Variants in MCC observed in about 807,000 individuals in gnomAD.
MCC encodes the protein colorectal mutant cancer protein.
MCC carries 90 observed loss-of-function variants against 116.2 expected under a neutral mutation model. The observed-to-expected ratio is 0.77, with a 90% CI of 0.65 to 0.92. MCC has a LOEUF of 0.92. Among genes scored for constraint, MCC ranks in the 40% least tolerant of loss-of-function variants. MCC has a pLI of 0.00. For missense variants in MCC, 1,516 were observed against 1,312.2 expected (o/e 1.16, Z -2.40); for synonymous variants, 578 against 510.5 (o/e 1.13, Z -1.78).
intron 1 of MCC, among the ~76,000 whole-genome samples, chr5:113,427,232 G>C (rs1770508503): frequency 6.6e-6 from 1 of 152,056 alleles, no homozygotes; most frequent in Non-Finnish European, 1.5e-5. Context: ...TAAATGAATT[G>C]CTTACTTTGA....
chr5:113,477,460 ACAT>A (rs1772262773), intron 1 of MCC, among the ~76,000 whole-genome samples: 1 of 152,204 alleles, frequency 6.6e-6, no homozygotes, highest in South Asian at 2.1e-4. Context: ...TGATTTTCAG[ACAT>A]CATATAACAG....
At chr5:113,306,450 T>C (rs555701420) in intron 3 of MCC, among the ~76,000 whole-genome samples, 1 of 152,354 alleles carries the variant, frequency 6.6e-6, no homozygotes, top group East Asian at 1.9e-4. Context: ...TATGTGGCTT[T>C]GATTTGCATT....
intron 3 of MCC, among the ~76,000 whole-genome samples, chr5:113,185,490 C>T (rs752272707): frequency 6.6e-6 from 1 of 152,150 alleles, no homozygotes; most frequent in Non-Finnish European, 1.5e-5. Flanking sequence ...AATTCCTGGA[C>T]ACATGATGTC....
intron 3 of MCC, among the ~76,000 whole-genome samples, chr5:113,330,796 G>T (rs1427827078): frequency 2.6e-5 from 4 of 152,140 alleles, no homozygotes; most frequent in Non-Finnish European, 5.9e-5. Flanking sequence ...ATCTTTACCT[G>T]AAAGATAGTA....
chr5:113,160,951 G>T (rs1375213295), intron 3 of MCC, among the ~76,000 whole-genome samples: 1 of 152,028 alleles, frequency 6.6e-6, no homozygotes, highest in Non-Finnish European at 1.5e-5. Flanking sequence ...AAAAGGAAAG[G>T]TTATTACCTT....
chr5:113,096,520 C>A (rs1235887344), intron 8 of MCC, among the ~76,000 whole-genome samples: 1 of 152,138 alleles, frequency 6.6e-6, no homozygotes, highest in African/African-American at 2.4e-5. Context: ...GTATCATAGT[C>A]AAAGCATGTA....
intron 5 of MCC, among the ~76,000 whole-genome samples, chr5:113,137,672 T>C (rs1186247948): frequency 7.9e-5 from 12 of 152,148 alleles, no homozygotes; most frequent in Admixed American, 2.6e-4. Flanking sequence ...GTTGTTGTTG[T>C]TATGCCCCTG....
intron 3 of MCC, among the ~76,000 whole-genome samples, chr5:113,236,097 C>T (rs938323287): frequency 2.6e-4 from 39 of 152,204 alleles, no homozygotes; most frequent in African/African-American, 9.2e-4. Context: ...GGTAAAAATG[C>T]TGGCTGCAAG....
At chr5:113,032,521 GACT>G (rs1751030683) in intron 17 of MCC, among the ~76,000 whole-genome samples, 1 of 151,726 alleles carries the variant, frequency 6.6e-6, no homozygotes, top group African/African-American at 2.4e-5. Context: ...TTTTTCATGG[GACT>G]ACTAGAAAAT....
intron 16 of MCC, among the ~76,000 whole-genome samples, chr5:113,047,240 G>C (rs956860608): frequency 1.3e-5 from 2 of 152,210 alleles, no homozygotes; most frequent in Admixed American, 1.3e-4. Context: ...TTGCCCACCA[G>C]TCTCCTCCTA....
chr5:113,145,599 A>G (rs1561399579), intron 4 of MCC, among the ~76,000 whole-genome samples: 1 of 152,118 alleles, frequency 6.6e-6, no homozygotes, highest in African/African-American at 2.4e-5. Context: ...ATCAATAAAA[A>G]CCACCAAAAG....
chr5:113,465,315 T>C lies in MCC; in HGVS notation c.170+22930A>G, dbSNP rs1484768984. ...ATTCATCACATGGAAGTAGGAAAAA[T>C]GGTTAACCATTTGGGGGAAAATTAT... On this transcript the variant is annotated intron_variant, in intron 1 of 18. Transcript: ENST00000408903. 2.0e-5 allele frequency among the ~76,000 whole-genome samples: 3 copies of C among 152,114 alleles called. No individual in the cohort carries two copies. In the South Asian group the frequency reaches 6.2e-4, roughly 32 times the overall value.
At position 113,086,157 on chromosome 5, in the gene MCC, A is replaced by T. The variant is rs1257066541; in HGVS notation, c.1399-847T>A. On this transcript the variant is annotated intron_variant, in intron 8 of 18. Transcript: ENST00000408903. ...AAGACAAGTGCACTTGAGTGTTATA[A>T]ATTTCTATGTCAAGTGTTACGGGAA... is the stretch of plus-strand genomic sequence containing the variant. Among the ~76,000 whole-genome samples the T allele has an allele frequency of 2.0e-5, 3 of 152,180 alleles. No individual in the cohort carries two copies. In the East Asian group the frequency reaches 5.8e-4, roughly 29 times the overall value.
intron 3 of MCC, among the ~76,000 whole-genome samples, chr5:113,279,745 T>C (rs967721938): frequency 1.3e-5 from 2 of 152,224 alleles, no homozygotes; most frequent in Non-Finnish European, 2.9e-5. Context: ...AGAGTATCAA[T>C]GGACAATATA....
chr5:113,104,088 T>C (rs1034783386), intron 7 of MCC, 104 bp downstream of exon 7: 4 of 1,179,048 alleles, frequency 3.4e-6, no homozygotes, highest in East Asian at 4.9e-5. Context: ...CATGGAAACA[T>C]TCATCCCTAG....
chr5:113,084,239 G>A (rs761123732), intron 9 of MCC, 49 bp from the exon 10 acceptor site: 3 of 1,416,216 alleles, frequency 2.1e-6, no homozygotes, highest in African/African-American at 2.8e-5. Flanking sequence ...CCACTCCTCA[G>A]ATAAACTGTT....
chr5:113,239,346 A>G (rs533053159), intron 3 of MCC, among the ~76,000 whole-genome samples: 1 of 152,294 alleles, frequency 6.6e-6, no homozygotes, highest in African/African-American at 2.4e-5. Flanking sequence ...AAATTGGGTA[A>G]TAGGAGTTTG....
At chr5:113,138,526 A>G (rs1243013529) in intron 5 of MCC, among the ~76,000 whole-genome samples, 1 of 152,196 alleles carries the variant, frequency 6.6e-6, no homozygotes, top group Non-Finnish European at 1.5e-5. Context: ...TCTGCAAGCC[A>G]GGAACAGAGC....
In MCC at chr5:113,043,510, G is replaced by A. The variant is rs1211244161; in HGVS notation, c.2756+20C>T. 2 of 1,604,152 alleles carry A rather than the reference G, an allele frequency of 1.2e-6. No homozygotes were observed. Among genetic ancestry groups the A allele is most frequent in the East Asian group, 4.5e-5 (2 of 44,814 alleles). ...CATGCCCAGGATAAACACCAGCTGG[G>A]GTGGGGAAAGGGTGCTTACCGACGA... is the stretch of plus-strand genomic sequence containing the variant. On this transcript the variant is annotated intron_variant, in intron 17 of 18. Transcript: ENST00000408903.
Sources: gnomAD v4.1 joint callset for allele counts (sites outside exome capture counted in the v4.1 genomes callset) on GRCh38, gnomAD v4.1.1 for gene constraint, MANE v1.5 for transcripts, NCBI Gene and HGNC (gene_info 2026-07-23, HGNC 2026-07-21) for gene names.